Variants in ARHGAP18 observed in about 807,000 individuals in gnomAD.
ARHGAP18 encodes rho GTPase-activating protein 18.
In ARHGAP18, 67 loss-of-function variants were observed where a neutral mutation model predicts 86.2. The ratio of observed to expected loss-of-function variants is 0.78; its 90% CI spans 0.64 to 0.95. The LOEUF (loss-of-function observed/expected upper bound fraction) is 0.95, where lower values mean the gene tolerates loss of function less well. ARHGAP18 is among the 40% of genes least tolerant of loss of function. ARHGAP18 has a pLI of 0.00. For synonymous variants in ARHGAP18, 283 were observed against 280.4 expected (o/e 1.01, Z -0.09); for missense variants, 691 against 780.4 (o/e 0.89, Z 1.37).
In ARHGAP18 at chr6:129,625,140, TATTATATATTATATA is replaced by T. The variant is rs1261953916; in HGVS notation, c.786+4198_786+4212del. 4.0e-3 allele frequency among the ~76,000 whole-genome samples: 66 copies of T among 16,306 alleles called. 9 individuals carry two copies. In the East Asian group the frequency reaches 0.073, roughly 18 times the overall value. The allele number at this position is 16,306 out of a possible 152,430, so 10.7% of individuals were successfully genotyped here. On this transcript the variant is annotated intron_variant, in intron 5 of 14. Coordinates refer to ENST00000368149, the MANE Select transcript of ARHGAP18 (RefSeq NM_033515.3). ...ATAGATATATATTATATATGATATA[TATTATATATTATATA>T]GATATATATTATATATGATATATTA...
chr6:129,613,489 T>C (rs1010908223), intron 7 of ARHGAP18, among the ~76,000 whole-genome samples: 1 of 152,218 alleles, frequency 6.6e-6, no homozygotes, highest in Non-Finnish European at 1.5e-5. Flanking sequence ...AATTGTATGC[T>C]AGCTGCTGGA....
At chr6:129,618,170 T>A (rs1334322966) in intron 6 of ARHGAP18, among the ~76,000 whole-genome samples, 2 of 152,022 alleles carry the variant, frequency 1.3e-5, no homozygotes, top group Non-Finnish European at 2.9e-5. Flanking sequence ...GGTATTGTTT[T>A]GTCACAATGG....
chr6:129,600,548 C>T, intron 11 of ARHGAP18, 94 bp downstream of exon 11: 1 of 1,056,794 alleles, frequency 9.5e-7, no homozygotes, highest in Non-Finnish European at 1.4e-6. Flanking sequence ...ATTTTCTGCA[C>T]TCACAAATTT....
At chr6:129,586,459 T>C (rs965526900) in intron 12 of ARHGAP18, among the ~76,000 whole-genome samples, 1 of 152,132 alleles carries the variant, frequency 6.6e-6, no homozygotes, top group African/African-American at 2.4e-5. Context: ...AACGGCAGGC[T>C]AGAGTTTACA....
chr6:129,642,339 C>T (rs1773486167), intron 1 of ARHGAP18, among the ~76,000 whole-genome samples: 1 of 152,122 alleles, frequency 6.6e-6, no homozygotes, highest in Non-Finnish European at 1.5e-5. Flanking sequence ...GGTTTGAGTG[C>T]ACCAATGTGA....
chr6:129,639,975 G>A lies in ARHGAP18; in HGVS notation c.317-1346C>T, dbSNP rs1456893814. ...CAAGAGAATCTCTTGAACCTGGGAG[G>A]CAGAGGTTGCAATGAACCGAGATTG... On this transcript the variant is annotated intron_variant, in intron 2 of 14. Transcript: ENST00000368149. Among the ~76,000 whole-genome samples the A allele has an allele frequency of 4.7e-5, 7 of 147,682 alleles. No individual in the cohort carries two copies. In the East Asian group the frequency reaches 1.2e-3, roughly 25 times the overall value.
intron 10 of ARHGAP18, among the ~76,000 whole-genome samples, chr6:129,604,722 A>C (rs2114453319): frequency 6.6e-6 from 1 of 152,296 alleles, no homozygotes; most frequent in Middle Eastern, 3.4e-3. Flanking sequence ...TTGAAATAAA[A>C]CCTAATGCTG....
At chr6:129,608,397 C>A (rs2114457837) in intron 8 of ARHGAP18, among the ~76,000 whole-genome samples, 1 of 151,912 alleles carries the variant, frequency 6.6e-6, no homozygotes, top group African/African-American at 2.4e-5. Flanking sequence ...TATTATAAAT[C>A]TTCGTTAAAT....
chr6:129,589,030 G>A (rs1190858788), intron 12 of ARHGAP18, among the ~76,000 whole-genome samples: 1 of 151,570 alleles, frequency 6.6e-6, no homozygotes, highest in Non-Finnish European at 1.5e-5. Context: ...CCCTGGGCCT[G>A]GCACAGCAAA....
chr6:129,591,367 G>A (rs1343885283), intron 12 of ARHGAP18, among the ~76,000 whole-genome samples: 2 of 151,998 alleles, frequency 1.3e-5, no homozygotes, highest in South Asian at 4.2e-4. Flanking sequence ...GAGCGTGCTT[G>A]TGAACTGCAG....
At chr6:129,601,572 G>T (rs1313625710) in intron 10 of ARHGAP18, among the ~76,000 whole-genome samples, 1 of 151,752 alleles carries the variant, frequency 6.6e-6, no homozygotes, top group Admixed American at 6.6e-5. Flanking sequence ...GAAAAGAGAG[G>T]TGAGGGAATA....
At chr6:129,583,938 AGAGC>A (rs1788338181) in intron 13 of ARHGAP18, 46 bp downstream of exon 13, 4 of 1,570,304 alleles carry the variant, frequency 2.5e-6, no homozygotes, top group Non-Finnish European at 3.5e-6. Flanking sequence ...CGAGAGAGAG[AGAGC>A]AAGTGACTTA....
intron 1 of ARHGAP18, among the ~76,000 whole-genome samples, chr6:129,668,557 C>T (rs975636084): frequency 2.3e-4 from 35 of 152,286 alleles, no homozygotes; most frequent in Admixed American, 1.4e-3. Flanking sequence ...ATGAGCTCTG[C>T]CCAGCTTTTC....
intron 10 of ARHGAP18, among the ~76,000 whole-genome samples, chr6:129,601,630 T>G (rs550453324): frequency 1.3e-4 from 17 of 135,048 alleles, no homozygotes; most frequent in South Asian, 6.8e-4. Context: ...AGAGAATCTT[T>G]CTTTTTTTTT....
In ARHGAP18 at chr6:129,600,719, G is replaced by C. The variant is rs1199226836; in HGVS notation, c.1495C>G (p.Gln499Glu). The C allele has an allele frequency of 1.2e-6, 2 of 1,613,718 alleles. No homozygotes were observed. Among genetic ancestry groups the C allele is most frequent in the East Asian group, 2.2e-5 (1 of 44,862 alleles). Residue 499 changes from glutamine (Q) to glutamate (E), a missense_variant, in exon 11 of 15, where the codon CAG (glutamine) becomes GAG (glutamate). Coordinates refer to ENST00000368149, the MANE Select transcript of ARHGAP18 (RefSeq NM_033515.3). ...CHALGLKSSE[Q>E]REFVMAAGTA... ...CCAGCTGCCATTACAAATTCTCGCT[G>C]TTCACTGGACTTCAATCCCAATGCA...
chr6:129,658,655 G>A (rs1169367755), intron 1 of ARHGAP18, among the ~76,000 whole-genome samples: 1 of 152,156 alleles, frequency 6.6e-6, no homozygotes, highest in Non-Finnish European at 1.5e-5. Flanking sequence ...TATATTTTGA[G>A]TTTTCTATTT....
intron 5 of ARHGAP18, among the ~76,000 whole-genome samples, chr6:129,626,004 CAAAT>C (rs1348850913): frequency 1.5e-5 from 1 of 64,930 alleles, no homozygotes; most frequent in Non-Finnish European, 3.2e-5. Context: ...AAATATATAT[CAAAT>C]ATATATATCA....
At chr6:129,600,618 C>A in intron 11 of ARHGAP18, 24 bp downstream of exon 11, 1 of 1,575,292 alleles carries the variant, frequency 6.3e-7, no homozygotes, top group Non-Finnish European at 8.7e-7. Flanking sequence ...ACTACTAAGA[C>A]CAAAGCATAT....
At chr6:129,677,086 G>C (rs1338382724) in intron 1 of ARHGAP18, among the ~76,000 whole-genome samples, 1 of 151,970 alleles carries the variant, frequency 6.6e-6, no homozygotes, top group Non-Finnish European at 1.5e-5. Context: ...CAAAGGTCAA[G>C]TTTAAATAAA....
Sources: gnomAD v4.1 joint callset for allele counts (sites outside exome capture counted in the v4.1 genomes callset) on GRCh38, gnomAD v4.1.1 for gene constraint, MANE v1.5 for transcripts, NCBI Gene and HGNC (gene_info 2026-07-23, HGNC 2026-07-21) for gene names.